The following GRIN2B variants were observed in gnomAD, a reference collection of about 807,000 sequenced individuals.
GRIN2B encodes the protein glutamate receptor ionotropic, NMDA 2B.
GRIN2B carries 5 observed loss-of-function variants against 114.5 expected under a neutral mutation model. The observed-to-expected ratio is 0.04, with a 90% confidence interval of 0.02 to 0.09. The LOEUF (loss-of-function observed/expected upper bound fraction) is 0.09, where lower values mean the gene tolerates loss of function less well. Ranked by LOEUF, GRIN2B falls within the 10% of genes least tolerant of loss-of-function variation. The pLI is 1.00. For missense variants in GRIN2B, 1,108 were observed against 1,943.5 expected (o/e 0.57, Z 8.08); for synonymous variants, 787 against 745.1 (o/e 1.06, Z -0.92).
intron 3 of GRIN2B, among the ~76,000 whole-genome samples, chr12:13,843,132 G>A (rs1213005028): frequency 7.0e-6 from 1 of 143,738 alleles, no homozygotes; most frequent in Non-Finnish European, 1.5e-5. Flanking sequence ...AAAAAACACT[G>A]CTTTTTAAAA....
intron 3 of GRIN2B, among the ~76,000 whole-genome samples, chr12:13,767,184 C>T (rs374783212): frequency 6.8e-6 from 1 of 148,024 alleles, no homozygotes; most frequent in African/African-American, 2.5e-5. Flanking sequence ...GGCGTGAGGC[C>T]GGGAGGCGGA....
At chr12:13,934,015 T>G (rs1867084557) in intron 2 of GRIN2B, among the ~76,000 whole-genome samples, 1 of 152,168 alleles carries the variant, frequency 6.6e-6, no homozygotes, top group South Asian at 2.1e-4. Context: ...GTCCTACCAC[T>G]TGAGGAGACT....
At chr12:13,705,894 G>T (rs149157804) in intron 4 of GRIN2B, among the ~76,000 whole-genome samples, 3 of 152,106 alleles carry the variant, frequency 2.0e-5, no homozygotes, top group Non-Finnish European at 4.4e-5. Context: ...CATTAATGAA[G>T]GGTTGTTATT....
intron 3 of GRIN2B, among the ~76,000 whole-genome samples, chr12:13,847,803 A>T (rs1450635581): frequency 6.6e-6 from 1 of 152,148 alleles, no homozygotes; most frequent in Non-Finnish European, 1.5e-5. Context: ...GGCAGGGAAA[A>T]GCAGCTGAGG....
intron 3 of GRIN2B, among the ~76,000 whole-genome samples, chr12:13,798,127 TG>T (rs751790155): frequency 1.1e-4 from 17 of 152,248 alleles, no homozygotes; most frequent in Non-Finnish European, 2.2e-4. Context: ...ATGTATCCCA[TG>T]ATCAACTATA....
intron 2 of GRIN2B, among the ~76,000 whole-genome samples, chr12:13,881,021 C>T (rs1005512944): frequency 7.9e-5 from 12 of 151,630 alleles, no homozygotes; most frequent in East Asian, 1.9e-4. Flanking sequence ...TGTGCGCGTG[C>T]GCGCACGCAT....
At chr12:13,860,929 G>C (rs1242129392) in intron 3 of GRIN2B, among the ~76,000 whole-genome samples, 1 of 152,042 alleles carries the variant, frequency 6.6e-6, no homozygotes, top group African/African-American at 2.4e-5. Flanking sequence ...CTAATGCCAA[G>C]GACAAAACAG....
intron 3 of GRIN2B, among the ~76,000 whole-genome samples, chr12:13,811,575 G>C (rs1864731491): frequency 6.6e-6 from 1 of 152,200 alleles, no homozygotes; most frequent in South Asian, 2.1e-4. Flanking sequence ...GTGAGACCCT[G>C]TCTTTTAAAT....
chr12:13,874,761 GAGC>G (rs1433323734), intron 2 of GRIN2B, among the ~76,000 whole-genome samples: 1 of 152,148 alleles, frequency 6.6e-6, no homozygotes, highest in East Asian at 1.9e-4. Context: ...CAGTGAAAAT[GAGC>G]AGATGATAAA....
intron 8 of GRIN2B, among the ~76,000 whole-genome samples, chr12:13,612,938 A>C (rs184371403): frequency 4.6e-5 from 7 of 152,370 alleles, no homozygotes; most frequent in Admixed American, 3.9e-4. Flanking sequence ...AAGTTTAAAA[A>C]GGGGAAAAAT....
chr12:13,638,935 T>A (rs762172763), intron 5 of GRIN2B, among the ~76,000 whole-genome samples: 1 of 151,970 alleles, frequency 6.6e-6, no homozygotes, highest in Non-Finnish European at 1.5e-5. Context: ...GATGAGCCCC[T>A]CTTTGCACGT....
In GRIN2B at chr12:13,875,564, T is replaced by C. The variant is rs148883216; in HGVS notation, c.-18-9338A>G. On this transcript the variant is annotated intron_variant, in intron 2 of 13. Transcript: ENST00000609686. ...AGTAAAAAATAAAATGAAATGTAGG[T>C]GTCGAAGAAGGCTATTTCCAAGCCC... 1.2e-3 allele frequency among the ~76,000 whole-genome samples: 184 copies of C among 152,016 alleles called. 1 individual carries two copies. The highest frequency in any genetic ancestry group is 2.3e-3 in the Non-Finnish European group (158 of 67,920).
chr12:13,885,036 G>A (rs2041986), intron 2 of GRIN2B, among the ~76,000 whole-genome samples: 46,187 of 151,882 alleles, frequency 0.3, 7,424 homozygotes, highest in African/African-American at 0.4. Context: ...ATAGCTATTC[G>A]TGTAGAAGAT....
rs759007965 is a variant in GRIN2B at position 13,550,453 on chromosome 12, T to C, written c.*12330A>G. 1.3e-5 allele frequency: 2 copies of C among 152,206 alleles called. No homozygotes were observed. The highest frequency in any genetic ancestry group is 2.9e-5 in the Non-Finnish European group (2 of 68,034). The allele number at this position is 152,206 out of a possible 1,614,324, so 9.4% of individuals were successfully genotyped here. A position where few individuals can be genotyped will look rare whatever the true frequency, so the allele number is the denominator to read the frequency against. ...GAAATAACCAAAGTGAATGCGCTGA[T>C]CACTGAAGGTGTGCAAGAGTCTCAG... On this transcript the variant is annotated 3_prime_UTR_variant, in exon 14 of 14. Transcript: ENST00000609686.
intron 5 of GRIN2B, among the ~76,000 whole-genome samples, chr12:13,647,489 T>C (rs1030123987): frequency 4.6e-5 from 7 of 152,120 alleles, no homozygotes; most frequent in African/African-American, 1.7e-4. Flanking sequence ...TATAACTATG[T>C]ATGGATTACA....
chr12:13,865,049 G>T (rs1439421371), intron 3 of GRIN2B, among the ~76,000 whole-genome samples: 2 of 152,160 alleles, frequency 1.3e-5, no homozygotes, highest in Non-Finnish European at 2.9e-5. Flanking sequence ...TAATACCTTG[G>T]CAAGAATTAT....
chr12:13,684,421 A>C (rs2136549865), intron 4 of GRIN2B, among the ~76,000 whole-genome samples: 1 of 152,294 alleles, frequency 6.6e-6, no homozygotes, highest in East Asian at 1.9e-4. Context: ...AGAATACCAA[A>C]GTTGCTTCTC....
chr12:13,903,541 T>C (rs980483727), intron 2 of GRIN2B, among the ~76,000 whole-genome samples: 5 of 152,156 alleles, frequency 3.3e-5, no homozygotes, highest in African/African-American at 1.2e-4. Context: ...TTTTTACTTA[T>C]AGCTAAATTG....
chr12:13,682,506 A>C (rs1374212137), intron 4 of GRIN2B, among the ~76,000 whole-genome samples: 1 of 152,120 alleles, frequency 6.6e-6, no homozygotes, highest in East Asian at 1.9e-4. Context: ...TATACCATTA[A>C]TTTATTTTGC....
Sources: allele counts gnomAD v4.1 joint callset (sites outside exome capture counted in the v4.1 genomes callset), GRCh38; gene constraint gnomAD v4.1.1; transcripts MANE v1.5; gene names NCBI Gene and HGNC (gene_info 2026-07-23, HGNC 2026-07-21).